TG: variants seen among roughly 807,000 people sequenced by gnomAD.
The protein encoded by TG is thyroglobulin, also known as thyroid hormones.
Under a neutral mutation model 324.7 loss-of-function variants are expected in TG, and 270 were observed. The observed-to-expected ratio is 0.83, with a 90% confidence interval of 0.75 to 0.92. The LOEUF (loss-of-function observed/expected upper bound fraction) is 0.92. Among genes scored for constraint, TG ranks in the 40% least tolerant of loss-of-function variants. The pLI is 0.00. For missense variants in TG, 3,591 were observed against 3,456.4 expected (o/e 1.04, Z -0.98); for synonymous variants, 1,401 against 1,327.0 (o/e 1.06, Z -1.21).
chr8:132,985,410 A>G (rs1425855319), intron 35 of TG, among the ~76,000 whole-genome samples: 3 of 152,148 alleles, frequency 2.0e-5, no homozygotes, highest in Non-Finnish European at 4.4e-5. Context: ...GAATCCCACT[A>G]TTCCTTGATT....
intron 41 of TG, among the ~76,000 whole-genome samples, chr8:133,052,460 C>T (rs1462257284): frequency 1.3e-5 from 2 of 152,102 alleles, no homozygotes; most frequent in African/African-American, 2.4e-5. Context: ...ACAGTCGTGT[C>T]GGGACGTAAA....
intron 31 of TG, among the ~76,000 whole-genome samples, chr8:132,968,344 A>T (rs1333627178): frequency 6.6e-6 from 1 of 152,326 alleles, no homozygotes; most frequent in African/African-American, 2.4e-5. Flanking sequence ...TCAATTTGAC[A>T]ATAGAAAATA....
chr8:132,972,988 G>A (rs1587641316), intron 34 of TG, among the ~76,000 whole-genome samples: 3 of 152,318 alleles, frequency 2.0e-5, no homozygotes, highest in South Asian at 2.1e-4. Flanking sequence ...ATGGATGTAT[G>A]TAACAAGAAC....
intron 41 of TG, among the ~76,000 whole-genome samples, chr8:133,065,445 G>A (rs1222708542): frequency 6.6e-6 from 1 of 152,182 alleles, no homozygotes; most frequent in Non-Finnish European, 1.5e-5. Context: ...TCAAACCCAA[G>A]AAGGCAACAG....
At chr8:133,084,074 C>T (rs932200139) in intron 41 of TG, among the ~76,000 whole-genome samples, 1 of 152,290 alleles carries the variant, frequency 6.6e-6, no homozygotes, top group Non-Finnish European at 1.5e-5. Flanking sequence ...TTTCTGCATG[C>T]ATTGTGTTTT....
intron 37 of TG, 197 bp from the exon 38 acceptor site, chr8:133,017,581 T>G (rs1291143797): frequency 3.2e-6 from 2 of 633,124 alleles, no homozygotes; most frequent in Non-Finnish European, 5.6e-6. Context: ...TCAGCTGTTT[T>G]TGCCATTTTT....
intron 21 of TG, among the ~76,000 whole-genome samples, chr8:132,920,474 T>G (rs1820949315): frequency 6.6e-6 from 1 of 152,208 alleles, no homozygotes; most frequent in African/African-American, 2.4e-5. Context: ...AAAAGGAATT[T>G]TATAGGCTGA....
At chr8:133,128,152 G>A (rs1851662055) in intron 45 of TG, among the ~76,000 whole-genome samples, 2 of 152,024 alleles carry the variant, frequency 1.3e-5, no homozygotes. Context: ...GCACTTTCTT[G>A]TTAGAACGTG....
At chr8:132,979,295 C>T (rs1421848808) in intron 34 of TG, among the ~76,000 whole-genome samples, 2 of 152,224 alleles carry the variant, frequency 1.3e-5, no homozygotes, top group Non-Finnish European at 2.9e-5. Context: ...TGTGCATTGT[C>T]TGCAAGTGGG....
At chr8:132,938,639 T>C (rs1823958495) in intron 25 of TG, among the ~76,000 whole-genome samples, 1 of 151,960 alleles carries the variant, frequency 6.6e-6, no homozygotes, top group Non-Finnish European at 1.5e-5. Flanking sequence ...CAGAGGGCAG[T>C]AGGTGCTTGG....
intron 30 of TG, among the ~76,000 whole-genome samples, chr8:132,967,046 CCATCCAT>C (rs1828676148): frequency 6.6e-6 from 1 of 150,610 alleles, no homozygotes; most frequent in African/African-American, 2.5e-5. Context: ...ACCCATCCAT[CCATCCAT>C]CCATCCATCC....
chr8:133,054,062 G>A (rs1242903138), intron 41 of TG, among the ~76,000 whole-genome samples: 1 of 152,176 alleles, frequency 6.6e-6, no homozygotes, highest in African/African-American at 2.4e-5. Flanking sequence ...CTGGTGCCAG[G>A]ATCCCTTCAA....
Position 133,134,887 on chromosome 8 carries a change from T to C in TG, c.*93T>C, listed in dbSNP as rs1852232580. Reference sequence around the variant, plus strand: ...AGCCACTTACCTTCAATAAAGTATCTACATGCGGTGAAGCATTGTTGACTC... The same window carrying C: ...AGCCACTTACCTTCAATAAAGTATCCACATGCGGTGAAGCATTGTTGACTC... On this transcript the variant is annotated 3_prime_UTR_variant, in exon 48 of 48. Coordinates refer to ENST00000220616, the MANE Select transcript of TG (RefSeq NM_003235.5). 2 of 952,414 alleles carry C rather than the reference T, an allele frequency of 2.1e-6. No homozygotes were observed. The highest frequency in any genetic ancestry group is 3.4e-6 in the Non-Finnish European group (2 of 588,504). 59.0% of individuals were successfully genotyped at this position (952,414 alleles called of 1,614,324 possible). A position where few individuals can be genotyped will look rare whatever the true frequency, so the allele number is the denominator to read the frequency against.
chr8:133,053,050 C>A (rs1015197557), intron 41 of TG, among the ~76,000 whole-genome samples: 10 of 152,196 alleles, frequency 6.6e-5, no homozygotes, highest in African/African-American at 2.4e-4. Flanking sequence ...CTCCAACTTG[C>A]CAGGCACCCT....
At chr8:132,908,866 G>T (rs1007399553) in intron 18 of TG, among the ~76,000 whole-genome samples, 2 of 152,188 alleles carry the variant, frequency 1.3e-5, no homozygotes, top group Non-Finnish European at 2.9e-5. Context: ...AAAGGGACGG[G>T]AGTGAGGTAA....
At chr8:133,124,252 C>A (rs939318682) in intron 45 of TG, among the ~76,000 whole-genome samples, 3 of 152,206 alleles carry the variant, frequency 2.0e-5, no homozygotes, top group African/African-American at 2.4e-5. Context: ...CTGGGTCTTT[C>A]TTCTGAAGGC....
At chr8:132,902,954 T>G (rs1181001021) in intron 16 of TG, among the ~76,000 whole-genome samples, 2 of 152,136 alleles carry the variant, frequency 1.3e-5, no homozygotes, top group Non-Finnish European at 2.9e-5. Context: ...TAGATAGAGC[T>G]CTCCTATCTC....
Position 132,911,518 on chromosome 8 carries a change from G to T in TG, c.4144G>T (p.Asp1382Tyr), listed in dbSNP as rs757201985. The T allele has an allele frequency of 6.2e-7, 1 of 1,613,800 alleles. No individual in the cohort carries two copies. Residue 1382 changes from aspartate (D) to tyrosine (Y), a missense_variant, in exon 19 of 48, where the codon GAC becomes TAC. Asp to Tyr is a radical substitution (Grantham distance 160). Transcript: ENST00000220616. ...GGACATCCCAGTGGCTTCTCTTCCTGACTTACATGACATTGGTATGTTTTT... is the reference window on the plus strand; with the variant it reads ...GGACATCCCAGTGGCTTCTCTTCCTTACTTACATGACATTGGTATGTTTTT... ...LEDIPVASLP[D>Y]LHDIERALVG...
chr8:133,032,321 T>A (rs1836714099), intron 41 of TG, among the ~76,000 whole-genome samples: 1 of 152,220 alleles, frequency 6.6e-6, no homozygotes, highest in African/African-American at 2.4e-5. Flanking sequence ...TTTCAATTCC[T>A]GGTGTTGAAA....
Sources: gnomAD v4.1 joint callset for allele counts (sites outside exome capture counted in the v4.1 genomes callset) on GRCh38, gnomAD v4.1.1 for gene constraint, MANE v1.5 for transcripts, NCBI Gene and HGNC (gene_info 2026-07-23, HGNC 2026-07-21) for gene names.